The following KIF13B variants were observed in gnomAD, a reference collection of about 807,000 sequenced individuals.
KIF13B encodes the protein kinesin family member 13B, also known as kinesin-like protein KIF13B.
In KIF13B, 127 loss-of-function variants were observed where a neutral mutation model predicts 222.0. That is an observed-to-expected ratio of 0.57 (90% CI 0.50 to 0.66). KIF13B has a LOEUF of 0.66. Among genes scored for constraint, KIF13B ranks in the 30% least tolerant of loss-of-function variants. KIF13B has a pLI of 0.00. For missense variants in KIF13B, 2,173 were observed against 2,379.0 expected, an observed-to-expected ratio of 0.91 and a Z score of 1.80; for synonymous variants, 976 against 919.0, an observed-to-expected ratio of 1.06 and a Z score of -1.12.
intron 31 of KIF13B, among the ~76,000 whole-genome samples, chr8:29,115,134 T>G (rs1445916742): frequency 6.6e-6 from 1 of 152,074 alleles, no homozygotes; most frequent in East Asian, 1.9e-4. Flanking sequence ...AAAGATTAAT[T>G]TTTAGGGGTG....
At chr8:29,108,534 T>A (rs970196106) in intron 34 of KIF13B, among the ~76,000 whole-genome samples, 25 of 152,236 alleles carry the variant, frequency 1.6e-4, no homozygotes, top group African/African-American at 5.8e-4. Context: ...GAGCTTATGA[T>A]TCCTTTCTCT....
chr8:29,244,257 C>T (rs139260361), intron 2 of KIF13B, among the ~76,000 whole-genome samples: 1,700 of 152,300 alleles, frequency 0.011, 42 homozygotes, highest in African/African-American at 0.04. Flanking sequence ...TCATGATCTG[C>T]CCACCTTGGC....
At chr8:29,226,858 T>C (rs1815049422) in intron 2 of KIF13B, among the ~76,000 whole-genome samples, 1 of 152,240 alleles carries the variant, frequency 6.6e-6, no homozygotes, top group African/African-American at 2.4e-5. Context: ...AAAGTGTAGA[T>C]TTCCAAGTTG....
At chr8:29,230,835 A>T (rs1815253375) in intron 2 of KIF13B, among the ~76,000 whole-genome samples, 1 of 152,232 alleles carries the variant, frequency 6.6e-6, no homozygotes, top group Non-Finnish European at 1.5e-5. Flanking sequence ...ATGGCAAGGC[A>T]TAAAGTCTTG....
chr8:29,125,500 GA>G (rs1359923152), intron 26 of KIF13B, among the ~76,000 whole-genome samples: 2 of 152,126 alleles, frequency 1.3e-5, no homozygotes, highest in Non-Finnish European at 2.9e-5. Context: ...ATGTCAGCTT[GA>G]AAAAAGTCTC....
intron 10 of KIF13B, among the ~76,000 whole-genome samples, chr8:29,174,725 C>T (rs1290247503): frequency 6.6e-6 from 1 of 152,098 alleles, no homozygotes; most frequent in East Asian, 1.9e-4. Context: ...AAGTAATGGA[C>T]CTGATATTCT....
intron 1 of KIF13B, among the ~76,000 whole-genome samples, chr8:29,254,092 A>G (rs1307571948): frequency 6.6e-6 from 1 of 152,208 alleles, no homozygotes; most frequent in Non-Finnish European, 1.5e-5. Context: ...CTAATGGAGA[A>G]AGAACAGTCT....
At position 29,113,542 on chromosome 8, in the gene KIF13B, C is replaced by A; in HGVS notation, c.3851G>T (p.Ser1284Ile). 1 of 1,581,694 alleles carries A rather than the reference C, an allele frequency of 6.3e-7. No homozygotes were observed. The highest frequency in any genetic ancestry group is 8.6e-7 in the Non-Finnish European group (1 of 1,161,546). Residue 1284 changes from serine (S) to isoleucine (I), a missense_variant, in exon 32 of 40, where the codon AGT (serine) becomes ATT (isoleucine). Physicochemically the swap from Ser to Ile is moderately radical, Grantham distance 142 (BLOSUM62 -2). This residue lies in a region of KIF13B where 1,480 missense variants were observed against 1,722.8 expected (regional missense o/e 0.86). Coordinates refer to ENST00000524189, the MANE Select transcript of KIF13B (RefSeq NM_015254.4). ...NVHGRQGFAQ[S>I]LLKKMSHRSS... Reference sequence around the variant, plus strand: ...TCGATGAGACATCTTTTTTAGGAGACTCTGTGCAAAACCCTAGAGAAAAAC... The same window carrying A: ...TCGATGAGACATCTTTTTTAGGAGAATCTGTGCAAAACCCTAGAGAAAAAC...
intron 37 of KIF13B, among the ~76,000 whole-genome samples, chr8:29,084,948 T>C (rs1200771856): frequency 6.6e-6 from 1 of 152,240 alleles, no homozygotes; most frequent in Non-Finnish European, 1.5e-5. Context: ...TTTGCATTTC[T>C]GGAACTCAGA....
chr8:29,252,023 A>C (rs1816305127), intron 1 of KIF13B, among the ~76,000 whole-genome samples: 1 of 151,932 alleles, frequency 6.6e-6, no homozygotes, highest in Non-Finnish European at 1.5e-5. Context: ...AAAAAAAAGG[A>C]AAAAGGAAAA....
intron 2 of KIF13B, among the ~76,000 whole-genome samples, chr8:29,220,951 T>G (rs1814715485): frequency 6.6e-6 from 1 of 151,870 alleles, no homozygotes. Flanking sequence ...TCTCTATAAA[T>G]AAATATATTT....
chr8:29,229,224 G>T (rs1815176438), intron 2 of KIF13B, among the ~76,000 whole-genome samples: 1 of 151,624 alleles, frequency 6.6e-6, no homozygotes, highest in South Asian at 2.1e-4. Flanking sequence ...GAATTAACCA[G>T]TTACATTTTT....
At chr8:29,259,478 A>T (rs1159647173) in intron 1 of KIF13B, among the ~76,000 whole-genome samples, 1 of 152,200 alleles carries the variant, frequency 6.6e-6, no homozygotes, top group African/African-American at 2.4e-5. Flanking sequence ...TTGGTAGTTG[A>T]TCTTATACAG....
chr8:29,105,707 G>A (rs1809034375), intron 35 of KIF13B, among the ~76,000 whole-genome samples: 1 of 125,666 alleles, frequency 8.0e-6, no homozygotes, highest in Non-Finnish European at 1.6e-5. Flanking sequence ...CGCCCAGGCT[G>A]GAGTGCAGTG....
intron 18 of KIF13B, among the ~76,000 whole-genome samples, chr8:29,145,250 T>G (rs1188406568): frequency 6.6e-6 from 1 of 152,228 alleles, no homozygotes; most frequent in Non-Finnish European, 1.5e-5. Context: ...TACAATACCT[T>G]TCTCAAAATA....
intron 32 of KIF13B, 114 bp from the exon 33 acceptor site, chr8:29,110,184 C>T (rs1809292147): frequency 3.4e-6 from 3 of 877,748 alleles, no homozygotes; most frequent in Admixed American, 5.4e-5. Context: ...TTAAAGTCAG[C>T]TTTGGAACGC....
At position 29,116,911 on chromosome 8, in the gene KIF13B, C is replaced by T. The variant is rs753108980; in HGVS notation, c.3757G>A (p.Val1253Met). The change falls in exon 31 of 40, where the codon GTG (valine) becomes ATG (methionine). Residue 1253 changes from valine (V) to methionine (M), a missense_variant. Physicochemically the swap from Val to Met is conservative, Grantham distance 21. Around this residue, in one of 2 missense-constraint regions of KIF13B, gnomAD observed 1,480 missense variants for 1,722.8 expected, o/e 0.86. Transcript: ENST00000524189. Reference protein sequence around the residue: ...VDERLFLIVRVTVQLSHPADM... With the variant: ...VDERLFLIVRMTVQLSHPADM... ...GCAGGGTGGCTGAGCTGGACCGTCA[C>T]GCGCACGATCAGGAACAACCGCTCG... 276 of 1,613,616 alleles carry T rather than the reference C, an allele frequency of 1.7e-4. No individual in the cohort carries two copies. Among genetic ancestry groups the T allele is most frequent in the Non-Finnish European group, 2.1e-4 (253 of 1,179,708 alleles).
intron 17 of KIF13B, 111 bp from the exon 18 acceptor site, chr8:29,146,651 T>TAATGA: frequency 2.0e-6 from 2 of 993,554 alleles, no homozygotes; most frequent in Admixed American, 2.3e-5. Context: ...ATTGAGCTTT[T>TAATGA]TCCGTGGTCG....
At chr8:29,262,759 C>T (rs1460965686) in intron 1 of KIF13B, among the ~76,000 whole-genome samples, 2 of 145,902 alleles carry the variant, frequency 1.4e-5, no homozygotes, top group Non-Finnish European at 3.0e-5. Context: ...ACGAGGGGCC[C>T]GACGGCGCCA....
Sources: gnomAD v4.1 joint callset for allele counts (sites outside exome capture counted in the v4.1 genomes callset) on GRCh38, gnomAD v4.1.1 for gene constraint, gnomAD v4.1.1 regional missense constraint, MANE v1.5 for transcripts, NCBI Gene and HGNC (gene_info 2026-07-23, HGNC 2026-07-21) for gene names.